The following FXR1 variants were observed in gnomAD, a reference collection of about 807,000 sequenced individuals.
FXR1 encodes the protein FMR1 autosomal homolog 1.
In FXR1, 15 loss-of-function variants were observed where a neutral mutation model predicts 84.0. That is an observed-to-expected ratio of 0.18 (90% CI 0.12 to 0.27). The LOEUF is 0.27. Ranked by LOEUF, FXR1 falls within the 10% of genes least tolerant of loss-of-function variation. The pLI is 1.00. For synonymous variants in FXR1, 245 were observed against 250.7 expected, an observed-to-expected ratio of 0.98 and a Z score of 0.21; for missense variants, 480 against 774.4, an observed-to-expected ratio of 0.62 and a Z score of 4.51.
rs1714325647 is a variant in FXR1 at position 180,977,187 on chromosome 3, A to T, written c.*895A>T. On this transcript the variant is annotated 3_prime_UTR_variant, in exon 17 of 17. Transcript: ENST00000357559. ...ATTTTTTTAACTTTCTACTTTTTACACCAATTGTTGCAAAATAGTTGGAGC... is the reference window on the plus strand; with the variant it reads ...ATTTTTTTAACTTTCTACTTTTTACTCCAATTGTTGCAAAATAGTTGGAGC... 6.6e-6 allele frequency: 1 copy of T among 151,612 alleles called. No homozygotes were observed. Among genetic ancestry groups the T allele is most frequent in the Non-Finnish European group, 1.5e-5 (1 of 67,836 alleles). The allele number at this position is 151,612 out of a possible 1,614,324, so 9.4% of individuals were successfully genotyped here.
chr3:180,964,472 A>G (rs2108486625), intron 13 of FXR1, among the ~76,000 whole-genome samples: 1 of 152,220 alleles, frequency 6.6e-6, no homozygotes, highest in South Asian at 2.1e-4. Flanking sequence ...TGTGAGAGGT[A>G]GAGAAACATC....
rs1241824341 is a variant in FXR1 at position 180,926,502 on chromosome 3, ATATAT to A, written c.52-6830_52-6826del. The stretch of plus-strand genomic sequence containing the variant: ...TGTATATATATATATATATATATAT[ATATAT>A]TTTTTTTTCTGGCCTTTTGTTGGCA... On this transcript the variant is annotated intron_variant, in intron 1 of 16. Coordinates refer to ENST00000357559, the MANE Select transcript of FXR1 (RefSeq NM_005087.4). Among the ~76,000 whole-genome samples, 178 of 48,926 alleles carry A rather than the reference ATATAT, an allele frequency of 3.6e-3. 1 individual carries two copies. The highest frequency in any genetic ancestry group is 3.7e-3 in the Non-Finnish European group (93 of 25,088). 32.1% of individuals were successfully genotyped at this position (48,926 alleles called of 152,430 possible).
chr3:180,939,173 C>T (rs1325798598), intron 3 of FXR1, among the ~76,000 whole-genome samples: 2 of 152,204 alleles, frequency 1.3e-5, no homozygotes, highest in Admixed American at 6.5e-5. Flanking sequence ...AGATTATAGG[C>T]GTGAGACACT....
chr3:180,931,380 G>C (rs1475324902), intron 1 of FXR1, among the ~76,000 whole-genome samples: 2 of 151,898 alleles, frequency 1.3e-5, no homozygotes, highest in Non-Finnish European at 2.9e-5. Context: ...TACCACATCT[G>C]GCTAATTTTT....
Position 180,971,145 on chromosome 3 carries a change from TAGAC to T in FXR1, c.1603+790_1603+793del, listed in dbSNP as rs1577005361. ...GTCGCTTCAGGGGTCAGGCAGAAGA[TAGAC>T]AGCCAGGTAACTTGAGTGGACCTGT... is the stretch of plus-strand genomic sequence containing the variant. On this transcript the variant is annotated intron_variant, in intron 15 of 16. Coordinates refer to ENST00000357559, the MANE Select transcript of FXR1 (RefSeq NM_005087.4). 6 of 1,265,846 alleles carry T rather than the reference TAGAC, an allele frequency of 4.7e-6. No individual in the cohort carries two copies. Among genetic ancestry groups the T allele is most frequent in the African/African-American group, 3.1e-5 (2 of 64,948 alleles). 78.4% of individuals were successfully genotyped at this position (1,265,846 alleles called of 1,614,324 possible).
intron 8 of FXR1, among the ~76,000 whole-genome samples, chr3:180,952,098 A>G (rs1008041448): frequency 3.3e-5 from 5 of 152,170 alleles, no homozygotes; most frequent in African/African-American, 1.2e-4. Context: ...ATGTAAATTG[A>G]GACCATCCTT....
intron 1 of FXR1, among the ~76,000 whole-genome samples, chr3:180,913,756 C>T (rs757149974): frequency 5.3e-5 from 8 of 152,172 alleles, no homozygotes; most frequent in Non-Finnish European, 7.3e-5. Flanking sequence ...TACAGAATCT[C>T]CCCAGCTGTT....
chr3:180,951,722 T>C (rs1056295628), intron 8 of FXR1, among the ~76,000 whole-genome samples: 3 of 152,238 alleles, frequency 2.0e-5, no homozygotes, highest in African/African-American at 7.2e-5. Context: ...CTGAGTTTAC[T>C]TCAGTTTTAT....
intron 1 of FXR1, among the ~76,000 whole-genome samples, chr3:180,921,961 C>G (rs543078487): frequency 6.6e-6 from 1 of 151,950 alleles, no homozygotes; most frequent in Non-Finnish European, 1.5e-5. Flanking sequence ...TATATAGGTA[C>G]GCATTCAGTT....
intron 3 of FXR1, among the ~76,000 whole-genome samples, chr3:180,941,078 A>G (rs1721071997): frequency 6.6e-6 from 1 of 152,082 alleles, no homozygotes. Flanking sequence ...TCTATATATT[A>G]TATTAAAATG....
At chr3:180,914,759 C>G in intron 1 of FXR1, 1 of 930,086 alleles carries the variant, frequency 1.1e-6, no homozygotes, top group Non-Finnish European at 1.3e-6. Context: ...GACTTTGACT[C>G]CATTACTCAT....
chr3:180,976,024 A>G, intron 16 of FXR1, 98 bp from the exon 17 acceptor site: 1 of 893,736 alleles, frequency 1.1e-6, no homozygotes, highest in Non-Finnish European at 1.7e-6. Flanking sequence ...ATAAAACTGA[A>G]ATTTTTAATT....
intron 1 of FXR1, among the ~76,000 whole-genome samples, chr3:180,917,454 TC>T: frequency 6.6e-6 from 1 of 152,298 alleles, no homozygotes; most frequent in East Asian, 1.9e-4. Flanking sequence ...AATACATAGT[TC>T]CAGATAATTT....
intron 8 of FXR1, among the ~76,000 whole-genome samples, 161 bp from the exon 9 acceptor site, chr3:180,953,601 T>C (rs1722445453): frequency 6.6e-6 from 1 of 152,216 alleles, no homozygotes; most frequent in Admixed American, 6.5e-5. Flanking sequence ...AAGTACTTTG[T>C]GAATCACTTC....
At chr3:180,934,291 A>C (rs1340202068) in intron 2 of FXR1, among the ~76,000 whole-genome samples, 1 of 152,234 alleles carries the variant, frequency 6.6e-6, no homozygotes, top group African/African-American at 2.4e-5. Context: ...AAAAGAAAGC[A>C]TCCCCAAATC....
rs199617499 is a variant in FXR1, at chr3:180,951,486, T to C, written c.801+18T>C. On this transcript the variant is annotated intron_variant, in intron 8 of 16. Coordinates refer to ENST00000357559, the MANE Select transcript of FXR1 (RefSeq NM_005087.4). ...ACGGAGAGGTAAGTTCTCTTTCTCC[T>C]GCCTTGGCCTTTAGTGTATTAACCA... 2.5e-6 allele frequency: 4 copies of C among 1,571,184 alleles called. No individual in the cohort carries two copies. Among genetic ancestry groups the C allele is most frequent in the African/African-American group, 1.4e-5 (1 of 73,798 alleles).
chr3:180,937,466 A>C (rs564990502), intron 3 of FXR1, among the ~76,000 whole-genome samples: 1 of 152,256 alleles, frequency 6.6e-6, no homozygotes, highest in South Asian at 2.1e-4. Flanking sequence ...TTTTGTGAAG[A>C]AGACATTGGT....
chr3:180,917,325 C>T (rs774578605), intron 1 of FXR1, among the ~76,000 whole-genome samples: 125 of 152,112 alleles, frequency 8.2e-4, no homozygotes, highest in Non-Finnish European at 1.5e-3. Context: ...AAGTTGCGTT[C>T]AGAGGGTATG....
At chr3:180,953,169 C>T (rs1388409318) in intron 8 of FXR1, among the ~76,000 whole-genome samples, 3 of 152,076 alleles carry the variant, frequency 2.0e-5, no homozygotes, top group Non-Finnish European at 4.4e-5. Context: ...AAAGAACACA[C>T]GTTAAAAGTG....
Sources: gnomAD v4.1 joint callset for allele counts (sites outside exome capture counted in the v4.1 genomes callset) on GRCh38, gnomAD v4.1.1 for gene constraint, MANE v1.5 for transcripts, NCBI Gene and HGNC (gene_info 2026-07-23, HGNC 2026-07-21) for gene names.